ZFPM2: variants seen among roughly 807,000 people sequenced by gnomAD.
ZFPM2 encodes the protein zinc finger protein, FOG family member 2.
ZFPM2 carries 20 observed loss-of-function variants against 98.6 expected under a neutral mutation model. The ratio of observed to expected loss-of-function variants is 0.20; its 90% CI spans 0.14 to 0.29. The LOEUF is 0.29. ZFPM2 is among the 10% of genes least tolerant of loss of function. The pLI is 1.00. For missense variants in ZFPM2, 1,310 were observed against 1,388.6 expected (o/e 0.94, Z 0.90); for synonymous variants, 518 against 502.7 (o/e 1.03, Z -0.41).
intron 5 of ZFPM2, among the ~76,000 whole-genome samples, chr8:105,674,311 G>A (rs1455077266): frequency 6.6e-6 from 1 of 152,210 alleles, no homozygotes; most frequent in African/African-American, 2.4e-5. Context: ...CTGTGAGAGA[G>A]AGGGTTTGAC....
intron 1 of ZFPM2, among the ~76,000 whole-genome samples, chr8:105,340,828 C>A (rs775577003): frequency 1.1e-4 from 16 of 151,870 alleles, no homozygotes; most frequent in Non-Finnish European, 2.4e-4. Flanking sequence ...ATGTGCAATG[C>A]AATTTCAGAT....
chr8:105,534,261 C>T (rs1814395594), intron 3 of ZFPM2, among the ~76,000 whole-genome samples: 1 of 46,216 alleles, frequency 2.2e-5, no homozygotes. Flanking sequence ...CTCCCTTCCT[C>T]CTTTCCTTCC....
chr8:105,693,256 C>T (rs917710083), intron 5 of ZFPM2, among the ~76,000 whole-genome samples: 2 of 152,128 alleles, frequency 1.3e-5, no homozygotes, highest in African/African-American at 4.8e-5. Flanking sequence ...ACAGCAAAGC[C>T]CCATGAATAA....
chr8:105,658,603 A>AAAAAAAAAG, intron 5 of ZFPM2, among the ~76,000 whole-genome samples: 1 of 40,382 alleles, frequency 2.5e-5, no homozygotes, highest in Non-Finnish European at 4.9e-5. Context: ...AAAAAAAAAA[A>AAAAAAAAAG]AAAAAAAAGA....
At chr8:105,558,756 A>C (rs1276869413) in intron 3 of ZFPM2, among the ~76,000 whole-genome samples, 1 of 146,130 alleles carries the variant, frequency 6.8e-6, no homozygotes, top group Non-Finnish European at 1.5e-5. Flanking sequence ...GTATCACTTA[A>C]GTGTGACATG....
At chr8:105,638,822 A>G (rs1235460732) in intron 5 of ZFPM2, among the ~76,000 whole-genome samples, 1 of 152,148 alleles carries the variant, frequency 6.6e-6, no homozygotes. Context: ...AAATTGTATT[A>G]TATCACTTAG....
At chr8:105,428,993 A>G (rs865828151) in intron 2 of ZFPM2, among the ~76,000 whole-genome samples, 2 of 152,326 alleles carry the variant, frequency 1.3e-5, no homozygotes, top group Middle Eastern at 3.4e-3. Flanking sequence ...CAGAGACGGA[A>G]AGTGGAATTG....
chr8:105,790,809 C>T (rs1380192625), intron 6 of ZFPM2, among the ~76,000 whole-genome samples: 2 of 152,174 alleles, frequency 1.3e-5, no homozygotes, highest in Non-Finnish European at 2.9e-5. Flanking sequence ...AGGTCCTTCA[C>T]ATCCCTTGTA....
chr8:105,477,237 CTTTTTTTTTTTT>C (rs397891589), intron 3 of ZFPM2, among the ~76,000 whole-genome samples: 4 of 74,474 alleles, frequency 5.4e-5, no homozygotes, highest in Non-Finnish European at 9.7e-5. Flanking sequence ...TGCTAGCAAT[CTTTTTTTTTTTT>C]TTTTTTTTTT....
At chr8:105,347,451 A>G (rs1812560374) in intron 1 of ZFPM2, among the ~76,000 whole-genome samples, 1 of 152,246 alleles carries the variant, frequency 6.6e-6, no homozygotes, top group South Asian at 2.1e-4. Context: ...CATATTCAGT[A>G]TGAAATGTGT....
chr8:105,340,839 T>C (rs1271879790), intron 1 of ZFPM2, among the ~76,000 whole-genome samples: 1 of 151,934 alleles, frequency 6.6e-6, no homozygotes, highest in Non-Finnish European at 1.5e-5. Context: ...AATTTCAGAT[T>C]GGCATAAGTA....
intron 1 of ZFPM2, among the ~76,000 whole-genome samples, chr8:105,394,093 C>A (rs1811172697): frequency 1.3e-5 from 2 of 151,994 alleles, no homozygotes; most frequent in South Asian, 4.2e-4. Flanking sequence ...CGGGGTTTCA[C>A]CGTGTTAGCC....
At chr8:105,486,828 T>A (rs1813238707) in intron 3 of ZFPM2, among the ~76,000 whole-genome samples, 2 of 152,234 alleles carry the variant, frequency 1.3e-5, no homozygotes, top group African/African-American at 4.8e-5. Context: ...CTTTTGATTA[T>A]ACTTTTTTCC....
At chr8:105,482,766 A>G (rs1362435447) in intron 3 of ZFPM2, among the ~76,000 whole-genome samples, 6 of 152,114 alleles carry the variant, frequency 3.9e-5, no homozygotes, top group South Asian at 2.1e-4. Flanking sequence ...GAAATTTGCA[A>G]TTATTGTATT....
In ZFPM2 at chr8:105,449,843, A is replaced by G. The variant is rs187172024; in HGVS notation, c.301+5462A>G. ...TGCTCAATTAATTACTCTTAATATTACTTTTACTATCATTTCAGCAATTGT... is the reference window on the plus strand; with the variant it reads ...TGCTCAATTAATTACTCTTAATATTGCTTTTACTATCATTTCAGCAATTGT... On this transcript the variant is annotated intron_variant, in intron 3 of 7. Transcript: ENST00000407775. Among the ~76,000 whole-genome samples the G allele has an allele frequency of 2.8e-4, 42 of 152,246 alleles. No homozygotes were observed. The East Asian group carries it at 6.5e-3, about 24-fold the overall frequency.
In ZFPM2 at chr8:105,688,040, A is replaced by G. The variant is rs575572748; in HGVS notation, c.532+53683A>G. ...TGATATCAGGTGAAAAAGAAACACT[A>G]GAAAGAAAATGGGTTCATGAATAAC... On this transcript the variant is annotated intron_variant, in intron 5 of 7. Transcript: ENST00000407775. Among the ~76,000 whole-genome samples, 10 of 152,266 alleles carry G rather than the reference A, an allele frequency of 6.6e-5. No individual in the cohort carries two copies. In the South Asian group the frequency reaches 2.1e-3, roughly 32 times the overall value.
intron 1 of ZFPM2, among the ~76,000 whole-genome samples, chr8:105,361,858 G>T (rs1332472744): frequency 6.6e-6 from 1 of 151,142 alleles, no homozygotes; most frequent in Non-Finnish European, 1.5e-5. Context: ...GGTATGTTTA[G>T]ATATGCAAAT....
rs1563574464 is a variant in ZFPM2 at position 105,802,440 on chromosome 8, A to G, written c.2358A>G (p.Pro786=). The change falls in exon 8 of 8, where the codon CCA becomes CCG. Residue 786 remains proline, a synonymous_variant. Coordinates refer to ENST00000407775, the MANE Select transcript of ZFPM2 (RefSeq NM_012082.4). The stretch of plus-strand genomic sequence containing the variant: ...AAGGGCTAGGAGAGTGCTACCACCC[A>G]AGATGTGATATCTTTCCAGGAATTG... ...PTEGLGECYH[P]RCDIFPGIVS... 1 of 1,613,728 alleles carries G rather than the reference A, an allele frequency of 6.2e-7. No individual in the cohort carries two copies. The highest frequency in any genetic ancestry group is 8.5e-7 in the Non-Finnish European group (1 of 1,179,826).
At chr8:105,734,310 A>G (rs1385657171) in intron 5 of ZFPM2, among the ~76,000 whole-genome samples, 1 of 151,978 alleles carries the variant, frequency 6.6e-6, no homozygotes, top group Non-Finnish European at 1.5e-5. Flanking sequence ...TAGTATTTAT[A>G]AGTAGTTTTA....
Sources: allele counts gnomAD v4.1 joint callset (sites outside exome capture counted in the v4.1 genomes callset), GRCh38; gene constraint gnomAD v4.1.1; transcripts MANE v1.5; gene names NCBI Gene and HGNC (gene_info 2026-07-23, HGNC 2026-07-21).